CHI3L2: variants seen among roughly 807,000 people sequenced by gnomAD.
CHI3L2 encodes the protein chitinase-3-like protein 2.
Under a neutral mutation model 47.3 loss-of-function variants are expected in CHI3L2, and 47 were observed. The observed-to-expected ratio is 0.99, with a 90% CI of 0.79 to 1.27. The LOEUF is 1.27. Ranked by LOEUF, CHI3L2 falls within the 50% of genes most tolerant of loss-of-function variation. The probability of loss-of-function intolerance (pLI) is 0.00; values close to 1 mark genes in which losing one functional copy is unlikely to be tolerated. For missense variants in CHI3L2, 497 were observed against 462.1 expected (o/e 1.08, Z -0.69); for synonymous variants, 198 against 169.9 (o/e 1.17, Z -1.28).
chr1:111,234,201 AAAAG>A (rs938637854), intron 4 of CHI3L2, among the ~76,000 whole-genome samples: 6 of 151,888 alleles, frequency 4.0e-5, no homozygotes, highest in Non-Finnish European at 5.9e-5. Flanking sequence ...AAAAAAAAAA[AAAAG>A]AAAGAAAACC....
intron 4 of CHI3L2, among the ~76,000 whole-genome samples, chr1:111,232,782 G>A (rs569584763): frequency 6.6e-6 from 1 of 152,278 alleles, no homozygotes; most frequent in African/African-American, 2.4e-5. Flanking sequence ...TATTGAATGG[G>A]CAGCTCTCCT....
intron 9 of CHI3L2, 146 bp downstream of exon 9, chr1:111,241,589 T>C (rs889925442): frequency 4.9e-6 from 3 of 608,268 alleles, no homozygotes; most frequent in African/African-American, 1.9e-5. Context: ...TCAAGTCTAG[T>C]AGTGACTCTA....
chr1:111,232,343 A>C (rs1659746299), intron 4 of CHI3L2, among the ~76,000 whole-genome samples: 1 of 145,928 alleles, frequency 6.9e-6, no homozygotes, highest in African/African-American at 2.4e-5. Flanking sequence ...TTATTCATTC[A>C]TTCTTGCATT....
chr1:111,233,688 G>T (rs1198044895), intron 4 of CHI3L2, among the ~76,000 whole-genome samples: 1 of 151,998 alleles, frequency 6.6e-6, no homozygotes, highest in Non-Finnish European at 1.5e-5. Flanking sequence ...CGTCTGGGAG[G>T]TGTACCCAAT....
chr1:111,236,244 T>G (rs1376441905), intron 7 of CHI3L2, 91 bp downstream of exon 7: 19 of 1,396,498 alleles, frequency 1.4e-5, no homozygotes, highest in Non-Finnish European at 1.9e-5. Context: ...TGTCTTGAAC[T>G]GAGGAAGAGC....
chr1:111,242,389 G>A, intron 10 of CHI3L2, 23 bp downstream of exon 10: 1 of 1,576,034 alleles, frequency 6.3e-7, no homozygotes. Flanking sequence ...GCTGGAGCTG[G>A]GAGTGGGCAG....
chr1:111,231,511 C>G, intron 4 of CHI3L2: 1 of 481,408 alleles, frequency 2.1e-6, no homozygotes, highest in Admixed American at 3.8e-5. Flanking sequence ...CAAGCCCAGA[C>G]ACTCAAGGCT....
Position 111,238,740 on chromosome 1 carries a change from C to G in CHI3L2, c.736-10C>G. 4 of 1,613,168 alleles carry G rather than the reference C, an allele frequency of 2.5e-6. No individual in the cohort carries two copies. In the South Asian group the frequency reaches 4.4e-5, roughly 18 times the overall value. On this transcript the variant is annotated splice_polypyrimidine_tract_variant and intron_variant, in intron 7 of 10. Coordinates refer to ENST00000369748, the MANE Select transcript of CHI3L2 (RefSeq NM_004000.3). ...CACACTCTGAGCCTCCATCTCTCTT[C>G]CCATTCTAGGAATATGCTGTGGGGT...
Position 111,238,849 on chromosome 1 carries a change from GA to G in CHI3L2, c.838del (p.Thr280ProfsTer32), listed in dbSNP as rs781227516. On this transcript the variant is annotated frameshift_variant, in exon 8 of 11. Coordinates refer to ENST00000369748, the MANE Select transcript of CHI3L2 (RefSeq NM_004000.3). LOFTEE classifies it high-confidence loss of function. ...YGHSFTLASA[E>X]TTVGAPASGP... is the part of the protein sequence containing the mutation. ...GCACTCCTTCACACTGGCCTCTGCA[GA>G]AACCACCGTGGGGGCCCCTGCCTCT... 2.5e-6 allele frequency: 4 copies of G among 1,613,854 alleles called. No homozygotes were observed. The Admixed American group carries it at 6.7e-5, about 27-fold the overall frequency.
chr1:111,236,021 T>C lies in CHI3L2; in HGVS notation c.606-3T>C, dbSNP rs1325394061. The stretch of plus-strand genomic sequence containing the variant: ...ATCTCTCCCATTGCTTTTGGCACTT[T>C]AGAGATCTGGATTTCATCAACCTCC... On this transcript the variant is annotated splice_region_variant and splice_polypyrimidine_tract_variant and intron_variant, in intron 6 of 10. Coordinates refer to ENST00000369748, the MANE Select transcript of CHI3L2 (RefSeq NM_004000.3). 3.1e-6 allele frequency: 5 copies of C among 1,613,856 alleles called. No individual in the cohort carries two copies. The highest frequency in any genetic ancestry group is 1.3e-5 in the African/African-American group (1 of 74,928).
chr1:111,228,622 T>TA (rs1441103934), intron 1 of CHI3L2, among the ~76,000 whole-genome samples: 1 of 152,196 alleles, frequency 6.6e-6, no homozygotes, highest in Non-Finnish European at 1.5e-5. Context: ...CCTCCCTGCC[T>TA]AAAAAAACAT....
intron 7 of CHI3L2, among the ~76,000 whole-genome samples, chr1:111,238,418 C>A (rs1433257283): frequency 6.6e-6 from 1 of 152,208 alleles, no homozygotes; most frequent in Non-Finnish European, 1.5e-5. Flanking sequence ...ATTGTGTAGA[C>A]AAGTTCCACA....
intron 8 of CHI3L2, among the ~76,000 whole-genome samples, chr1:111,239,592 C>T (rs574374628): frequency 1.3e-5 from 2 of 152,214 alleles, no homozygotes; most frequent in East Asian, 1.9e-4. Flanking sequence ...AGGAACCCAC[C>T]CAGATCTGTG....
At chr1:111,242,119 A>G in intron 9 of CHI3L2, 108 bp from the exon 10 acceptor site, 1 of 1,384,410 alleles carries the variant, frequency 7.2e-7, no homozygotes, top group East Asian at 2.3e-5. Flanking sequence ...AAAACCAGTT[A>G]GTCTACTGCT....
intron 8 of CHI3L2, 23 bp from the exon 9 acceptor site, chr1:111,241,304 C>A: frequency 7.6e-7 from 1 of 1,319,782 alleles, no homozygotes; most frequent in Non-Finnish European, 1.1e-6. Context: ...TACTGACCCT[C>A]TCGTTTCCCT....
intron 1 of CHI3L2, among the ~76,000 whole-genome samples, chr1:111,229,475 G>T (rs954184189): frequency 6.6e-6 from 1 of 151,402 alleles, no homozygotes; most frequent in Non-Finnish European, 1.5e-5. Flanking sequence ...GAGGTCAGGA[G>T]ATCGAGACCA....
At chr1:111,239,766 T>C (rs1011812012) in intron 8 of CHI3L2, among the ~76,000 whole-genome samples, 4 of 152,118 alleles carry the variant, frequency 2.6e-5, no homozygotes, top group Non-Finnish European at 4.4e-5. Context: ...TTAAAAAGCA[T>C]AGGGGAAGAT....
rs780454150 is a variant in CHI3L2, at chr1:111,235,588, A to T, written c.481-51A>T. The T allele has an allele frequency of 9.4e-6, 15 of 1,588,884 alleles. No homozygotes were observed. In the Admixed American group the frequency reaches 2.6e-4, roughly 28 times the overall value. On this transcript the variant is annotated intron_variant, in intron 5 of 10. Coordinates refer to ENST00000369748, the MANE Select transcript of CHI3L2 (RefSeq NM_004000.3). The stretch of plus-strand genomic sequence containing the variant: ...ATAGATTCCAGGCAAGAAGCTTAGC[A>T]CTGTACTCTGGGAAGGGGAATATTG...
At chr1:111,229,681 CAAAAAAAAAAAAAAA>C (rs997929124) in intron 1 of CHI3L2, 156 bp from the exon 2 acceptor site, 2 of 389,338 alleles carry the variant, frequency 5.1e-6, no homozygotes, top group Middle Eastern at 2.3e-3. Context: ...GACTCCGTCT[CAAAAAAAAAAAAAAA>C]AAAAAAAAAG....
Sources: allele counts gnomAD v4.1 joint callset (sites outside exome capture counted in the v4.1 genomes callset), GRCh38; gene constraint gnomAD v4.1.1; transcripts MANE v1.5; gene names NCBI Gene and HGNC (gene_info 2026-07-23, HGNC 2026-07-21).